USP3: variants seen among roughly 807,000 people sequenced by gnomAD.
USP3 encodes ubiquitin carboxyl-terminal hydrolase 3.
A neutral mutation model predicts 72.3 loss-of-function variants in USP3; 20 were observed. The observed-to-expected ratio is 0.28, with a 90% CI of 0.19 to 0.40. USP3 has a LOEUF of 0.40. USP3 is among the 10% of genes least tolerant of loss of function. The pLI, the probability that USP3 is intolerant of heterozygous loss-of-function variation, is 1.00. For missense variants in USP3, 479 were observed against 633.9 expected (o/e 0.76, Z 2.62); for synonymous variants, 222 against 225.3 (o/e 0.99, Z 0.13).
chr15:63,568,556 G>A (rs931352141), intron 8 of USP3, among the ~76,000 whole-genome samples: 1 of 152,106 alleles, frequency 6.6e-6, no homozygotes, highest in Non-Finnish European at 1.5e-5. Flanking sequence ...CCTTTAACAT[G>A]ATTATAAAAC....
Position 63,588,358 on chromosome 15 carries a change from A to G in USP3, c.1150A>G (p.Met384Val). Residue 384 changes from methionine (M) to valine (V), a missense_variant, in exon 12 of 15, where the codon ATG becomes GTG. Met to Val is a conservative substitution (Grantham distance 21). Coordinates refer to ENST00000380324, the MANE Select transcript of USP3 (RefSeq NM_006537.4). This position sits in a 1 kb window ranked among gnomAD's most constrained non-coding sequence, Gnocchi z 4.6. Reference sequence around the variant, plus strand: ...AGAACTTGATGAGACAGAGTTATATATGTGCCATAAATGCAAAAAGAAACA... The same window carrying G: ...AGAACTTGATGAGACAGAGTTATATGTGTGCCATAAATGCAAAAAGAAACA... ...LEELDETELY[M>V]CHKCKKKQKS... is the part of the protein sequence containing the mutation. 6.2e-7 allele frequency: 1 copy of G among 1,608,340 alleles called. No homozygotes were observed. Among genetic ancestry groups the G allele is most frequent in the Non-Finnish European group, 8.5e-7 (1 of 1,178,580 alleles).
intron 3 of USP3, among the ~76,000 whole-genome samples, chr15:63,552,589 T>G (rs2152669436): frequency 6.6e-6 from 1 of 152,242 alleles, no homozygotes; most frequent in South Asian, 2.1e-4. Flanking sequence ...TTAATGAGAG[T>G]GTGTGTTAAA....
intron 8 of USP3, 31 bp downstream of exon 8, chr15:63,563,039 T>C: frequency 1.4e-6 from 2 of 1,427,886 alleles, no homozygotes; most frequent in Non-Finnish European, 1.9e-6. Context: ...TTTTTAAACA[T>C]TAATATTAGT....
At position 63,556,652 on chromosome 15, in the gene USP3, T is replaced by C; in HGVS notation, c.369-15T>C. On this transcript the variant is annotated splice_polypyrimidine_tract_variant and intron_variant, in intron 4 of 14. Transcript: ENST00000380324. ...ATATTAATAACTTTTTCACTATCTG[T>C]TTGTGTTTTAATAGCTCAGCTTTCA... 1.3e-6 allele frequency: 2 copies of C among 1,591,274 alleles called. No individual in the cohort carries two copies. Among genetic ancestry groups the C allele is most frequent in the Non-Finnish European group, 1.7e-6 (2 of 1,169,376 alleles).
chr15:63,549,499 A>G (rs1413358517), intron 3 of USP3, among the ~76,000 whole-genome samples: 1 of 152,196 alleles, frequency 6.6e-6, no homozygotes, highest in Non-Finnish European at 1.5e-5. Flanking sequence ...TAAATCGAAA[A>G]TCAACTCTAA....
chr15:63,534,921 T>G (rs1406546737), intron 2 of USP3, among the ~76,000 whole-genome samples: 1 of 150,838 alleles, frequency 6.6e-6, no homozygotes, highest in Non-Finnish European at 1.5e-5. Flanking sequence ...TATTTGTTTA[T>G]TTATTTATTT....
chr15:63,526,505 T>C (rs1020352575), intron 1 of USP3, among the ~76,000 whole-genome samples: 1 of 152,248 alleles, frequency 6.6e-6, no homozygotes, highest in Non-Finnish European at 1.5e-5. Flanking sequence ...ATGAACTTGC[T>C]TAAAAAACAT....
intron 1 of USP3, among the ~76,000 whole-genome samples, chr15:63,526,985 C>G (rs190428666): frequency 4.6e-5 from 7 of 152,288 alleles, no homozygotes; most frequent in Non-Finnish European, 1.0e-4. Flanking sequence ...GCCTTGACTT[C>G]CTGGGCTCAC....
chr15:63,524,967 C>T (rs999579291), intron 1 of USP3, among the ~76,000 whole-genome samples: 3 of 152,148 alleles, frequency 2.0e-5, no homozygotes, highest in Admixed American at 1.3e-4. Flanking sequence ...CATCTTTAAT[C>T]TACCACAAGG....
intron 1 of USP3, among the ~76,000 whole-genome samples, chr15:63,506,026 A>G (rs2065708147): frequency 6.6e-6 from 1 of 152,140 alleles, no homozygotes; most frequent in African/African-American, 2.4e-5. Context: ...AGAAAAATGT[A>G]CTCTGGGATA....
intron 3 of USP3, among the ~76,000 whole-genome samples, chr15:63,550,177 G>A (rs542352325): frequency 4.6e-5 from 7 of 152,264 alleles, no homozygotes; most frequent in East Asian, 1.9e-4. Flanking sequence ...GTGCCACCAC[G>A]CCAAGCTAAT....
At chr15:63,571,363 T>C (rs1388544377) in intron 9 of USP3, among the ~76,000 whole-genome samples, 1 of 152,142 alleles carries the variant, frequency 6.6e-6, no homozygotes, top group Non-Finnish European at 1.5e-5. Flanking sequence ...TCGGATGTGG[T>C]AGGACTACTT....
intron 11 of USP3, among the ~76,000 whole-genome samples, chr15:63,577,205 C>T (rs543878824): frequency 1.3e-5 from 2 of 152,120 alleles, no homozygotes; most frequent in Admixed American, 1.3e-4. Context: ...TATTATAGAT[C>T]GAAGAATCCT....
chr15:63,544,755 G>A lies in USP3; in HGVS notation c.284+7599G>A, dbSNP rs780644856. 1 of 701,658 alleles carries A rather than the reference G, an allele frequency of 1.4e-6. No individual in the cohort carries two copies. Among genetic ancestry groups the A allele is most frequent in the South Asian group, 1.5e-5 (1 of 67,516 alleles). The allele number at this position is 701,658 out of a possible 1,614,324, so 43.5% of individuals were successfully genotyped here. The stretch of plus-strand genomic sequence containing the variant: ...TAAGAGAGTTCATGGTATATGGGAT[G>A]AAAGCTTAACTCTAAAACTAGAGCA... On this transcript the variant is annotated intron_variant, in intron 3 of 14. Coordinates refer to ENST00000380324, the MANE Select transcript of USP3 (RefSeq NM_006537.4). The surrounding 1 kb of genome is among the most constrained non-coding windows in gnomAD (Gnocchi z 4.2).
chr15:63,533,341 C>A (rs1245717837), intron 2 of USP3, among the ~76,000 whole-genome samples: 4 of 152,010 alleles, frequency 2.6e-5, no homozygotes, highest in Non-Finnish European at 5.9e-5. Context: ...CTATGGACAA[C>A]ATCTTCTACC....
At chr15:63,556,004 G>A (rs899786997) in intron 4 of USP3, among the ~76,000 whole-genome samples, 10 of 152,124 alleles carry the variant, frequency 6.6e-5, no homozygotes, top group Non-Finnish European at 1.2e-4. Context: ...AAATTTTAAA[G>A]TGACCTTTTG....
intron 2 of USP3, among the ~76,000 whole-genome samples, chr15:63,532,948 T>C (rs1024974117): frequency 1.3e-5 from 2 of 152,178 alleles, no homozygotes; most frequent in African/African-American, 4.8e-5. Context: ...ACCAAGACAA[T>C]CTGCTAATAA....
rs552389847 is a variant in USP3, at chr15:63,529,762, T to A, written c.92-2885T>A. 9.8e-5 allele frequency among the ~76,000 whole-genome samples: 15 copies of A among 152,328 alleles called. No homozygotes were observed. The highest frequency in any genetic ancestry group is 3.1e-4 in the African/African-American group (13 of 41,576). On this transcript the variant is annotated intron_variant, in intron 1 of 14. Coordinates refer to ENST00000380324, the MANE Select transcript of USP3 (RefSeq NM_006537.4). This position sits in a 1 kb window ranked among gnomAD's most constrained non-coding sequence, Gnocchi z 4.2. ...CAAAGCAAAGTCACAGGGATTCTGC[T>A]CCAGATTTCTTTTTCCTCGTACAAA...
Position 63,504,812 on chromosome 15 carries a change from T to G in USP3, c.73T>G (p.Ser25Ala), listed in dbSNP as rs756101095. Residue 25 changes from serine (S) to alanine (A), a missense_variant, in exon 1 of 15, where the codon TCG becomes GCG. By Grantham distance (99) the Ser-to-Ala change is moderately conservative. Coordinates refer to ENST00000380324, the MANE Select transcript of USP3 (RefSeq NM_006537.4). The stretch of plus-strand genomic sequence containing the variant: ...AGCCAAGTTCCCCAACGGCTCCCCG[T>G]CGTCCTGGTGCTGCAGCGGTGAGTG... ...DSAKFPNGSP[S>A]SWCCSVCRSN... 6 of 1,609,890 alleles carry G rather than the reference T, an allele frequency of 3.7e-6. 1 individual carries two copies. In the South Asian group the frequency reaches 6.6e-5, roughly 18 times the overall value.
Sources: allele counts gnomAD v4.1 joint callset (sites outside exome capture counted in the v4.1 genomes callset), GRCh38; gene constraint gnomAD v4.1.1; non-coding constraint Gnocchi (gnomAD v3.1); transcripts MANE v1.5; gene names NCBI Gene and HGNC (gene_info 2026-07-23, HGNC 2026-07-21).